Variants in COQ2 observed in about 807,000 individuals in gnomAD.
COQ2 encodes the protein coenzyme Q2, polyprenyltransferase.
A neutral mutation model predicts 35.7 loss-of-function variants in COQ2; 25 were observed. The ratio of observed to expected loss-of-function variants is 0.70; its 90% CI spans 0.51 to 0.98. COQ2 has a LOEUF of 0.98. COQ2 is among the 50% of genes least tolerant of loss of function. COQ2 has a pLI of 0.00. For synonymous variants in COQ2, 206 were observed against 186.2 expected, an observed-to-expected ratio of 1.11 and a Z score of -0.86; for missense variants, 488 against 473.5, an observed-to-expected ratio of 1.03 and a Z score of -0.28.
At chr4:83,277,478 A>G (rs964909256) in intron 2 of COQ2, among the ~76,000 whole-genome samples, 1 of 152,142 alleles carries the variant, frequency 6.6e-6, no homozygotes, top group East Asian at 1.9e-4. Flanking sequence ...CTGGAAAGTT[A>G]TCTCTAACCC....
At chr4:83,277,988 AC>A (rs1735225688) in intron 2 of COQ2, among the ~76,000 whole-genome samples, 2 of 135,162 alleles carry the variant, frequency 1.5e-5, no homozygotes, top group African/African-American at 6.2e-5. Context: ...ACACACACAC[AC>A]ACACACACAC....
intron 1 of COQ2, among the ~76,000 whole-genome samples, chr4:83,283,092 A>G (rs374809697): frequency 6.6e-6 from 1 of 152,192 alleles, no homozygotes; most frequent in African/African-American, 2.4e-5. Context: ...CAGCTTCCCA[A>G]TGATGGCAGG....
intron 2 of COQ2, among the ~76,000 whole-genome samples, chr4:83,277,053 AG>A (rs913141258): frequency 1.3e-4 from 12 of 89,428 alleles, no homozygotes; most frequent in African/African-American, 5.2e-4. Flanking sequence ...GGAGGGTGGG[AG>A]GGGAGTGCAG....
chr4:83,267,512 A>T, intron 6 of COQ2, 74 bp downstream of exon 6: 1 of 1,337,908 alleles, frequency 7.5e-7, no homozygotes, highest in Non-Finnish European at 1.0e-6. Flanking sequence ...GTAAACACAG[A>T]GGGCATACTG....
intron 2 of COQ2, among the ~76,000 whole-genome samples, chr4:83,276,079 T>TATATAAA (rs1438473196): frequency 7.7e-5 from 11 of 143,026 alleles, no homozygotes; most frequent in African/African-American, 2.6e-4. Flanking sequence ...TTATATATAA[T>TATATAAA]ATATATATAC....
Position 83,264,780 on chromosome 4 carries a change from A to G in COQ2, c.952-417T>C, listed in dbSNP as rs1337547605. On this transcript the variant is annotated intron_variant, in intron 6 of 6. Coordinates refer to ENST00000647002, the MANE Select transcript of COQ2 (RefSeq NM_001358921.2). ...ACTGTTTTTAGTTCTAACGATTTAGAACGTTCTTCCTTATACTGACTGATC... is the reference window on the plus strand; with the variant it reads ...ACTGTTTTTAGTTCTAACGATTTAGGACGTTCTTCCTTATACTGACTGATC... Among the ~76,000 whole-genome samples, 3 of 152,200 alleles carry G rather than the reference A, an allele frequency of 2.0e-5. No homozygotes were observed. The South Asian group carries it at 6.2e-4, about 32-fold the overall frequency.
chr4:83,282,227 T>C (rs1735342005), intron 1 of COQ2, among the ~76,000 whole-genome samples: 1 of 152,040 alleles, frequency 6.6e-6, no homozygotes, highest in Non-Finnish European at 1.5e-5. Context: ...GTGGAAAGAG[T>C]GCCACCTGCT....
chr4:83,268,386 G>C (rs1373296281), intron 5 of COQ2, among the ~76,000 whole-genome samples: 2 of 152,156 alleles, frequency 1.3e-5, no homozygotes, highest in Non-Finnish European at 2.9e-5. Flanking sequence ...TTACTTGTAA[G>C]CATCTCCATA....
chr4:83,276,044 A>AT lies in COQ2; in HGVS notation c.421-2428dup, dbSNP rs1021345312. Among the ~76,000 whole-genome samples, 4 of 17,118 alleles carry AT rather than the reference A, an allele frequency of 2.3e-4. No homozygotes were observed. In the Admixed American group the frequency reaches 4.9e-3, roughly 21 times the overall value. 11.2% of individuals were successfully genotyped at this position (17,118 alleles called of 152,430 possible). Reference sequence around the variant, plus strand: ...TATATATTTTTATATAATATATAAAATATATATTATATATAATATATATTT... The same window carrying AT: ...TATATATTTTTATATAATATATAAAATTATATATTATATATAATATATATTT... On this transcript the variant is annotated intron_variant, in intron 2 of 6. Transcript: ENST00000647002.
chr4:83,270,148 C>T (rs565282820), intron 4 of COQ2, among the ~76,000 whole-genome samples, 155 bp from the exon 5 acceptor site: 1 of 151,850 alleles, frequency 6.6e-6, no homozygotes, highest in South Asian at 2.1e-4. Context: ...TTTCAACTCT[C>T]GGTGGTACTT....
intron 5 of COQ2, among the ~76,000 whole-genome samples, 186 bp downstream of exon 5, chr4:83,269,674 T>A (rs1461216236): frequency 6.6e-6 from 1 of 152,036 alleles, no homozygotes; most frequent in African/African-American, 2.4e-5. Context: ...ATAAAAAAAA[T>A]TTTGTTGGAG....
chr4:83,272,169 T>C lies in COQ2; in HGVS notation c.546A>G (p.Ile182Met). The change falls in exon 4 of 7, where the codon ATA becomes ATG. Residue 182 changes from isoleucine (I) to methionine (M), a missense_variant. Coordinates refer to ENST00000647002, the MANE Select transcript of COQ2 (RefSeq NM_001358921.2). ...GAAGTAAGGATCCTGCTCCCAGAGC[T>C]ATACTGAAAAGAGGAAAAACCATTA... Reference protein sequence around the residue: ...GVLLCLNYYSIALGAGSLLLV... With the variant: ...GVLLCLNYYSMALGAGSLLLV... The C allele has an allele frequency of 6.2e-7, 1 of 1,604,448 alleles. No individual in the cohort carries two copies. Among genetic ancestry groups the C allele is most frequent in the Non-Finnish European group, 8.5e-7 (1 of 1,174,742 alleles).
chr4:83,279,685 T>C (rs1303988753), intron 1 of COQ2, among the ~76,000 whole-genome samples: 8 of 152,032 alleles, frequency 5.3e-5, no homozygotes, highest in South Asian at 2.1e-4. Flanking sequence ...CATATAATAA[T>C]GGTTGCTTCT....
chr4:83,283,630 A>G (rs991314338), intron 1 of COQ2: 3 of 985,258 alleles, frequency 3.0e-6, no homozygotes, highest in Non-Finnish European at 3.6e-6. Context: ...TTCCTAGCTC[A>G]CCAAATAGTC....
At position 83,273,496 on chromosome 4, in the gene COQ2, C is replaced by T. The variant is rs757009353; in HGVS notation, c.542G>A (p.Ser181Asn). The T allele has an allele frequency of 2.5e-6, 4 of 1,609,614 alleles. No individual in the cohort carries two copies. In the South Asian group the frequency reaches 4.4e-5, roughly 18 times the overall value. ...ATGATGTGGAAAACGTTTAATATAC[C>T]TGTAGTAATTTAGACACAGAAGAAC... ...LGVLLCLNYY[S>N]IALGAGSLLL... is the part of the protein sequence containing the mutation. Residue 181 changes from serine (S) to asparagine (N), a missense_variant and splice_region_variant, in exon 3 of 7, where the codon AGT (serine) becomes AAT (asparagine). Ser to Asn is a conservative substitution (Grantham distance 46). Transcript: ENST00000647002.
intron 2 of COQ2, among the ~76,000 whole-genome samples, chr4:83,273,836 A>C (rs1044920423): frequency 2.6e-5 from 4 of 152,006 alleles, no homozygotes; most frequent in African/African-American, 7.2e-5. Flanking sequence ...CCCCATCTCT[A>C]AACAAACAAA....
chr4:83,269,714 GA>G (rs200527502), intron 5 of COQ2, 145 bp downstream of exon 5: 510 of 701,832 alleles, frequency 7.3e-4, no homozygotes, highest in Middle Eastern at 8.6e-4. Flanking sequence ...TTTCTTTTTA[GA>G]AAAAAAAAAT....
In COQ2 at chr4:83,279,165, GT is replaced by G. The variant is rs1298410020; in HGVS notation, c.254-52del. Reference sequence around the variant, plus strand: ...AGGTACAAATTTAAGTCAGTTAACTGTTTTCATTTGTTTAAACATCACATAC... The same window carrying G: ...AGGTACAAATTTAAGTCAGTTAACTGTTTCATTTGTTTAAACATCACATAC... On this transcript the variant is annotated intron_variant, in intron 1 of 6. Transcript: ENST00000647002. The G allele has an allele frequency of 5.4e-6, 8 of 1,486,028 alleles. No individual in the cohort carries two copies. In the East Asian group the frequency reaches 1.6e-4, roughly 29 times the overall value. 92.1% of individuals were successfully genotyped at this position (1,486,028 alleles called of 1,614,324 possible).
At chr4:83,275,964 C>A (rs1735154991) in intron 2 of COQ2, among the ~76,000 whole-genome samples, 1 of 142,670 alleles carries the variant, frequency 7.0e-6, no homozygotes, top group Non-Finnish European at 1.5e-5. Context: ...TGAAGTGATA[C>A]ATGCCAGAAG....
Sources: allele counts gnomAD v4.1 joint callset (sites outside exome capture counted in the v4.1 genomes callset), GRCh38; gene constraint gnomAD v4.1.1; transcripts MANE v1.5; gene names NCBI Gene and HGNC (gene_info 2026-07-23, HGNC 2026-07-21).